Variants in ADAMTSL1 observed in about 807,000 individuals in gnomAD.
ADAMTSL1 encodes ADAMTS-like protein 1.
ADAMTSL1 carries 126 observed loss-of-function variants against 201.8 expected under a neutral mutation model. That is an observed-to-expected ratio of 0.62 (90% CI 0.54 to 0.72). ADAMTSL1 has a LOEUF of 0.72. Ranked by LOEUF, ADAMTSL1 falls within the 30% of genes least tolerant of loss-of-function variation. The pLI is 0.00. For missense variants in ADAMTSL1, 2,679 were observed against 2,277.8 expected, an observed-to-expected ratio of 1.18 and a Z score of -3.59; for synonymous variants, 1,121 against 903.4, an observed-to-expected ratio of 1.24 and a Z score of -4.32.
intron 1 of ADAMTSL1, among the ~76,000 whole-genome samples, chr9:17,944,488 A>C (rs1827373930): frequency 6.6e-6 from 1 of 152,096 alleles, no homozygotes; most frequent in Admixed American, 6.6e-5. Flanking sequence ...TGGAACCAAA[A>C]AAGAGCCCGC....
In ADAMTSL1 at chr9:18,177,596, C is replaced by G. The variant is rs75441874; in HGVS notation, c.207+13615C>G. On this transcript the variant is annotated intron_variant, in intron 2 of 29. Coordinates refer to the ADAMTSL1 transcript ENST00000680146. ...TTCCTTCTAAGTCATCCATGCCTCCCGTTCGCAAGGATACTTGGTGATCCA... is the reference window on the plus strand; with the variant it reads ...TTCCTTCTAAGTCATCCATGCCTCCGGTTCGCAAGGATACTTGGTGATCCA... Among the ~76,000 whole-genome samples the G allele has an allele frequency of 5.3e-5, 8 of 152,286 alleles. No homozygotes were observed. In the East Asian group the frequency reaches 1.5e-3, roughly 29 times the overall value.
intron 2 of ADAMTSL1, among the ~76,000 whole-genome samples, chr9:18,518,239 C>T (rs1818480682): frequency 1.3e-5 from 2 of 152,054 alleles, no homozygotes; most frequent in African/African-American, 2.4e-5. Context: ...TTCCAGTATA[C>T]CCATCACCCA....
At chr9:18,206,416 T>C (rs1324936304) in intron 2 of ADAMTSL1, among the ~76,000 whole-genome samples, 5 of 152,184 alleles carry the variant, frequency 3.3e-5, no homozygotes, top group African/African-American at 1.2e-4. Context: ...TCAAATTTCC[T>C]TCACTCCTTT....
chr9:18,709,414 C>G (rs951332414), intron 14 of ADAMTSL1, among the ~76,000 whole-genome samples: 1 of 152,084 alleles, frequency 6.6e-6, no homozygotes, highest in East Asian at 1.9e-4. Flanking sequence ...GATTTTAAAT[C>G]AATTTTGGGT....
chr9:17,987,646 T>G (rs1818983496), intron 1 of ADAMTSL1, among the ~76,000 whole-genome samples: 1 of 152,064 alleles, frequency 6.6e-6, no homozygotes, highest in South Asian at 2.1e-4. Flanking sequence ...AAGAAGCACT[T>G]GGTAATGAAA....
intron 2 of ADAMTSL1, among the ~76,000 whole-genome samples, chr9:18,226,254 G>A (rs764812920): frequency 6.6e-6 from 1 of 151,984 alleles, no homozygotes; most frequent in Non-Finnish European, 1.5e-5. Context: ...TCTTGGAAAC[G>A]TACTTATACC....
At chr9:18,417,367 G>GAAAA (rs80226819) in intron 2 of ADAMTSL1, among the ~76,000 whole-genome samples, 9 of 64,678 alleles carry the variant, frequency 1.4e-4, no homozygotes, top group Non-Finnish European at 1.9e-4. Context: ...AAGTAAGCAG[G>GAAAA]AAAAAAAAAA....
intron 1 of ADAMTSL1, among the ~76,000 whole-genome samples, chr9:17,960,610 G>A (rs945747998): frequency 3.3e-5 from 5 of 152,196 alleles, no homozygotes; most frequent in East Asian, 3.9e-4. Flanking sequence ...CACTGTACCC[G>A]GTATGGGTGG....
chr9:18,383,224 C>G (rs1837633967), intron 2 of ADAMTSL1, among the ~76,000 whole-genome samples: 1 of 152,042 alleles, frequency 6.6e-6, no homozygotes, highest in Non-Finnish European at 1.5e-5. Flanking sequence ...GTCGCAAAGT[C>G]TTCTATACTT....
At chr9:18,621,879 C>A (rs1369996093) in intron 4 of ADAMTSL1, among the ~76,000 whole-genome samples, 2 of 152,140 alleles carry the variant, frequency 1.3e-5, no homozygotes, top group East Asian at 3.9e-4. Flanking sequence ...CATTTGAGTG[C>A]ATCATAATTA....
chr9:18,853,476 C>T (rs535492221), intron 23 of ADAMTSL1, among the ~76,000 whole-genome samples: 1 of 152,276 alleles, frequency 6.6e-6, no homozygotes, highest in African/African-American at 2.4e-5. Context: ...GGTGGGGCCA[C>T]AGGACCAGTT....
intron 23 of ADAMTSL1, among the ~76,000 whole-genome samples, chr9:18,869,544 T>C (rs752916341): frequency 6.6e-6 from 1 of 152,254 alleles, no homozygotes. Flanking sequence ...TCATCATAGC[T>C]GGAAGCAGTA....
chr9:18,201,236 T>A (rs1432251496), intron 2 of ADAMTSL1, among the ~76,000 whole-genome samples: 2 of 152,098 alleles, frequency 1.3e-5, no homozygotes, highest in African/African-American at 2.4e-5. Flanking sequence ...ATTGACTTTG[T>A]TAAGGAAATG....
chr9:18,760,969 C>G (rs562835278), intron 16 of ADAMTSL1, among the ~76,000 whole-genome samples: 6 of 152,186 alleles, frequency 3.9e-5, no homozygotes, highest in Non-Finnish European at 7.3e-5. Context: ...GTTTTTCTCC[C>G]TCACTGGACT....
rs1830337222 is a variant in ADAMTSL1 at position 18,906,833 on chromosome 9, G to A, written c.5103G>A (p.Lys1701=). 2.5e-6 allele frequency: 4 copies of A among 1,614,008 alleles called. No homozygotes were observed. The highest frequency in any genetic ancestry group is 3.4e-6 in the Non-Finnish European group (4 of 1,179,872). The part of the protein sequence containing the change: ...RVECVHARTN[K]AVPEHLCSWG... Reference sequence around the variant, plus strand: ...AGTGTGTGCATGCCCGCACCAACAAGGCAGTGCCTGAGCACCTGTGCTCCT... The same window carrying A: ...AGTGTGTGCATGCCCGCACCAACAAAGCAGTGCCTGAGCACCTGTGCTCCT... Residue 1701 remains lysine (K), a synonymous_variant, in exon 28 of 29, where the codon AAG becomes AAA. Coordinates refer to ENST00000380548, the MANE Select transcript of ADAMTSL1 (RefSeq NM_001040272.6).
At chr9:18,626,828 T>A (rs35544370) in intron 5 of ADAMTSL1, among the ~76,000 whole-genome samples, 3 of 142,122 alleles carry the variant, frequency 2.1e-5, no homozygotes, top group African/African-American at 7.7e-5. Flanking sequence ...TTTCTTTCTT[T>A]CTTACTTTCT....
chr9:18,433,723 C>T (rs1819597546), intron 2 of ADAMTSL1, among the ~76,000 whole-genome samples: 1 of 152,178 alleles, frequency 6.6e-6, no homozygotes. Flanking sequence ...TTAAACCTAA[C>T]TACTGGCTGC....
At chr9:18,792,377 A>G (rs2133826674) in intron 19 of ADAMTSL1, among the ~76,000 whole-genome samples, 1 of 152,332 alleles carries the variant, frequency 6.6e-6, no homozygotes, top group Non-Finnish European at 1.5e-5. Flanking sequence ...GAGATTTGCC[A>G]ATGGCCATTA....
intron 23 of ADAMTSL1, among the ~76,000 whole-genome samples, chr9:18,843,699 C>A (rs1178073055): frequency 6.6e-6 from 1 of 150,944 alleles, no homozygotes; most frequent in Non-Finnish European, 1.5e-5. Flanking sequence ...GGTCTTTTCA[C>A]ATAGTCCCAT....
Sources: allele counts gnomAD v4.1 joint callset (sites outside exome capture counted in the v4.1 genomes callset), GRCh38; gene constraint gnomAD v4.1.1; transcripts MANE v1.5; gene names NCBI Gene and HGNC (gene_info 2026-07-23, HGNC 2026-07-21).